RABGAP1L: variants seen among roughly 807,000 people sequenced by gnomAD.
The protein encoded by RABGAP1L is rab GTPase-activating protein 1-like.
RABGAP1L carries 63 observed loss-of-function variants against 137.7 expected under a neutral mutation model. The observed-to-expected ratio is 0.46, with a 90% CI of 0.37 to 0.56. RABGAP1L has a LOEUF of 0.56. Ranked by LOEUF, RABGAP1L falls within the 20% of genes least tolerant of loss-of-function variation. The pLI is 0.00. For synonymous variants in RABGAP1L, 431 were observed against 433.7 expected, an observed-to-expected ratio of 0.99 and a Z score of 0.08; for missense variants, 1,095 against 1,244.0, an observed-to-expected ratio of 0.88 and a Z score of 1.80.
chr1:174,454,944 G>C (rs138185784), intron 13 of RABGAP1L, among the ~76,000 whole-genome samples: 45 of 152,064 alleles, frequency 3.0e-4, no homozygotes, highest in Non-Finnish European at 5.9e-4. Flanking sequence ...TAGGAAATAG[G>C]CTCCAGCTGG....
At chr1:174,603,125 T>A (rs918889507) in intron 13 of RABGAP1L, among the ~76,000 whole-genome samples, 2 of 152,174 alleles carry the variant, frequency 1.3e-5, no homozygotes, top group Non-Finnish European at 2.9e-5. Context: ...GAATTGAGTA[T>A]TGTGGCCTAA....
At chr1:174,534,797 A>AT (rs1664765271) in intron 13 of RABGAP1L, among the ~76,000 whole-genome samples, 1 of 131,286 alleles carries the variant, frequency 7.6e-6, no homozygotes, top group Admixed American at 7.9e-5. Context: ...AAAAAAAAAA[A>AT]AAAAAAATAA....
chr1:174,744,219 GC>G (rs1348356529), intron 17 of RABGAP1L, among the ~76,000 whole-genome samples: 1 of 150,700 alleles, frequency 6.6e-6, no homozygotes, highest in Non-Finnish European at 1.5e-5. Context: ...AGCACCATTA[GC>G]CAACCTAAAA....
At chr1:174,797,144 C>G (rs983440965) in intron 18 of RABGAP1L, among the ~76,000 whole-genome samples, 6 of 152,054 alleles carry the variant, frequency 3.9e-5, no homozygotes, top group African/African-American at 1.4e-4. Flanking sequence ...TTACTGGAAT[C>G]TTTTTGGGCA....
intron 1 of RABGAP1L, among the ~76,000 whole-genome samples, chr1:174,179,141 C>CTTG (rs1229378271): frequency 1.3e-5 from 2 of 152,012 alleles, no homozygotes; most frequent in African/African-American, 4.8e-5. Context: ...AACTCCTGGG[C>CTTG]TCAAGCGATC....
At chr1:174,472,362 T>C (rs1019352956) in intron 13 of RABGAP1L, among the ~76,000 whole-genome samples, 4 of 152,188 alleles carry the variant, frequency 2.6e-5, no homozygotes, top group African/African-American at 9.7e-5. Flanking sequence ...CAAAGGATGA[T>C]GTATATTATC....
intron 17 of RABGAP1L, among the ~76,000 whole-genome samples, chr1:174,736,414 C>A (rs1682946431): frequency 6.6e-6 from 1 of 152,264 alleles, no homozygotes. Flanking sequence ...TTGGGCAGCT[C>A]TGCCCCTGTG....
intron 11 of RABGAP1L, among the ~76,000 whole-genome samples, chr1:174,306,335 A>G (rs577468974): frequency 2.4e-4 from 36 of 152,234 alleles, no homozygotes; most frequent in Non-Finnish European, 4.0e-4. Flanking sequence ...TTGAGGAATC[A>G]CCACACTGTC....
intron 13 of RABGAP1L, among the ~76,000 whole-genome samples, chr1:174,508,802 TA>T (rs1662066847): frequency 6.6e-6 from 1 of 152,162 alleles, no homozygotes; most frequent in Admixed American, 6.5e-5. Context: ...ATAATGATAT[TA>T]AAAACATTGT....
chr1:174,343,417 C>T (rs1387969616), intron 11 of RABGAP1L, among the ~76,000 whole-genome samples: 1 of 151,968 alleles, frequency 6.6e-6, no homozygotes, highest in Non-Finnish European at 1.5e-5. Context: ...ATCTGAGTAC[C>T]CTTTGTCTCA....
intron 13 of RABGAP1L, among the ~76,000 whole-genome samples, chr1:174,419,958 A>T (rs1431729729): frequency 6.6e-6 from 1 of 152,172 alleles, no homozygotes; most frequent in Non-Finnish European, 1.5e-5. Flanking sequence ...TGAGCCCAAG[A>T]AACAAGAATT....
intron 1 of RABGAP1L, among the ~76,000 whole-genome samples, chr1:174,174,297 T>C (rs1341709860): frequency 6.6e-6 from 1 of 152,024 alleles, no homozygotes; most frequent in East Asian, 1.9e-4. Context: ...GCTTTAAGGG[T>C]ATCAAATGTA....
In RABGAP1L at chr1:174,254,086, A is replaced by C. The variant is rs576987022; in HGVS notation, c.986+1496A>C. Among the ~76,000 whole-genome samples, 16 of 149,432 alleles carry C rather than the reference A, an allele frequency of 1.1e-4. No individual in the cohort carries two copies. The East Asian group carries it at 2.9e-3, about 27-fold the overall frequency. Reference sequence around the variant, plus strand: ...ATATAGGAGAAGGTATCTGGCCCCCAGTTATCTGCTGTTTTTTTTTTTAGA... The same window carrying C: ...ATATAGGAGAAGGTATCTGGCCCCCCGTTATCTGCTGTTTTTTTTTTTAGA... On this transcript the variant is annotated intron_variant, in intron 7 of 25. Transcript: ENST00000681986.
At chr1:174,720,835 A>G (rs1234553229) in intron 17 of RABGAP1L, among the ~76,000 whole-genome samples, 1 of 152,226 alleles carries the variant, frequency 6.6e-6, no homozygotes, top group Non-Finnish European at 1.5e-5. Flanking sequence ...GGAATTAGGT[A>G]GTGATGATGG....
intron 12 of RABGAP1L, among the ~76,000 whole-genome samples, chr1:174,380,302 T>C (rs889771135): frequency 2.0e-5 from 3 of 152,226 alleles, no homozygotes; most frequent in African/African-American, 4.8e-5. Context: ...GCTGGCCTTA[T>C]AAAATGAGTT....
chr1:174,499,790 A>T (rs1276729745), intron 13 of RABGAP1L, among the ~76,000 whole-genome samples: 1 of 152,212 alleles, frequency 6.6e-6, no homozygotes, highest in African/African-American at 2.4e-5. Flanking sequence ...AGTGTGAGAA[A>T]ATAAAATCAA....
chr1:174,851,172 C>T (rs76475450), intron 19 of RABGAP1L, among the ~76,000 whole-genome samples: 3,135 of 152,324 alleles, frequency 0.021, 50 homozygotes, highest in Middle Eastern at 0.082. Flanking sequence ...ATATTGTTTT[C>T]AGCTGCTAAA....
At chr1:174,336,901 G>A (rs1436625503) in intron 11 of RABGAP1L, among the ~76,000 whole-genome samples, 1 of 150,908 alleles carries the variant, frequency 6.6e-6, no homozygotes, top group African/African-American at 2.4e-5. Context: ...GAGAGAGAAA[G>A]AGAGAGAAAG....
chr1:174,975,482 A>T (rs548151231), intron 21 of RABGAP1L, among the ~76,000 whole-genome samples: 39 of 152,092 alleles, frequency 2.6e-4, no homozygotes, highest in African/African-American at 8.0e-4. Flanking sequence ...TCTCTCTATC[A>T]TGGGTTTTTG....
Sources: allele counts gnomAD v4.1 joint callset (sites outside exome capture counted in the v4.1 genomes callset), GRCh38; gene constraint gnomAD v4.1.1; transcripts MANE v1.5; gene names NCBI Gene and HGNC (gene_info 2026-07-23, HGNC 2026-07-21).